Variants in GPC5 observed in about 807,000 individuals in gnomAD.
GPC5 encodes glypican-5.
GPC5 carries 47 observed loss-of-function variants against 53.9 expected under a neutral mutation model. That is an observed-to-expected ratio of 0.87 (90% confidence interval 0.69 to 1.11). The LOEUF is 1.11. Ranked by LOEUF, GPC5 falls within the 50% of genes most tolerant of loss-of-function variation. The pLI, the probability that GPC5 is intolerant of heterozygous loss-of-function variation, is 0.00. For missense variants in GPC5, 748 were observed against 713.1 expected, an observed-to-expected ratio of 1.05 and a Z score of -0.56; for synonymous variants, 286 against 263.3, an observed-to-expected ratio of 1.09 and a Z score of -0.84.
At chr13:92,518,248 CA>C (rs1441926407) in intron 7 of GPC5, among the ~76,000 whole-genome samples, 6 of 152,048 alleles carry the variant, frequency 3.9e-5, no homozygotes, top group Non-Finnish European at 7.4e-5. Flanking sequence ...CAAGGCAGGC[CA>C]ACATTCAAAT....
At chr13:92,349,786 C>T (rs543298607) in intron 7 of GPC5, among the ~76,000 whole-genome samples, 1 of 152,180 alleles carries the variant, frequency 6.6e-6, no homozygotes, top group East Asian at 1.9e-4. Flanking sequence ...GACCTGATGG[C>T]TTATGGTTGA....
intron 6 of GPC5, among the ~76,000 whole-genome samples, chr13:92,098,190 C>G (rs992798118): frequency 1.2e-4 from 18 of 152,164 alleles, no homozygotes; most frequent in African/African-American, 4.3e-4. Flanking sequence ...CTCCAGTGTC[C>G]CATTGGTCCC....
rs1468212881 is a variant in GPC5 at position 92,866,373 on chromosome 13, A to G, written c.1653A>G (p.Ala551=). Residue 551 remains alanine (A), a synonymous_variant, in exon 8 of 8, where the codon GCA becomes GCG. Transcript: ENST00000377067. The part of the protein sequence containing the change: ...STLDTTGAGC[A]VATESMTFTL... ...TAGACACAACAGGAGCAGGATGTGC[A>G]GTGGCGACTGAATCTATGACATTCA... The G allele has an allele frequency of 6.2e-7, 1 of 1,612,950 alleles. No homozygotes were observed. The highest frequency in any genetic ancestry group is 8.5e-7 in the Non-Finnish European group (1 of 1,179,306).
chr13:91,955,596 A>T (rs2040065813), intron 6 of GPC5, among the ~76,000 whole-genome samples: 1 of 152,150 alleles, frequency 6.6e-6, no homozygotes, highest in Non-Finnish European at 1.5e-5. Flanking sequence ...GGTAAGTGGG[A>T]GACCCCCAGT....
chr13:92,131,938 T>C (rs2041747451), intron 6 of GPC5, among the ~76,000 whole-genome samples: 2 of 151,954 alleles, frequency 1.3e-5, no homozygotes, highest in Non-Finnish European at 1.5e-5. Context: ...ACCCAACAGA[T>C]ATAACTGGGA....
intron 2 of GPC5, among the ~76,000 whole-genome samples, chr13:91,667,509 A>C (rs2035144693): frequency 6.6e-6 from 1 of 152,204 alleles, no homozygotes; most frequent in South Asian, 2.1e-4. Context: ...TTCGAGCTGC[A>C]GCTGTCAGAC....
At chr13:92,703,052 A>ATATTTATTTATTTATTTATT (rs138015246) in intron 7 of GPC5, among the ~76,000 whole-genome samples, 49 of 145,804 alleles carry the variant, frequency 3.4e-4, no homozygotes, top group African/African-American at 1.2e-3. Context: ...GCATATATAT[A>ATATTTATTTATTTATTTATT]TATTTATTTA....
chr13:92,580,008 C>G (rs1482872589), intron 7 of GPC5, among the ~76,000 whole-genome samples: 1 of 152,126 alleles, frequency 6.6e-6, no homozygotes, highest in Admixed American at 6.6e-5. Flanking sequence ...AATGACATGA[C>G]TTTATTATAG....
At chr13:92,279,825 G>C (rs7331818) in intron 7 of GPC5, among the ~76,000 whole-genome samples, 1 of 151,922 alleles carries the variant, frequency 6.6e-6, no homozygotes, top group South Asian at 2.1e-4. Flanking sequence ...CAAGTATTTT[G>C]TTGAGCATTT....
intron 5 of GPC5, among the ~76,000 whole-genome samples, chr13:91,856,089 G>A: frequency 6.6e-6 from 1 of 151,228 alleles, no homozygotes; most frequent in East Asian, 1.9e-4. Context: ...ATATATTCTT[G>A]AGATTCATTC....
At chr13:92,045,433 G>A (rs757642677) in intron 6 of GPC5, among the ~76,000 whole-genome samples, 2 of 152,100 alleles carry the variant, frequency 1.3e-5, no homozygotes, top group South Asian at 4.1e-4. Flanking sequence ...AAGGAGAAGG[G>A]AGTAACTTCA....
At chr13:92,494,238 C>T (rs1348763418) in intron 7 of GPC5, among the ~76,000 whole-genome samples, 3 of 152,078 alleles carry the variant, frequency 2.0e-5, no homozygotes, top group South Asian at 2.1e-4. Flanking sequence ...TACAGGCGCC[C>T]GCCACTACGC....
chr13:91,654,495 C>G (rs966574719), intron 2 of GPC5, among the ~76,000 whole-genome samples: 1 of 152,062 alleles, frequency 6.6e-6, no homozygotes, highest in African/African-American at 2.4e-5. Flanking sequence ...GAAACTCAGT[C>G]ACTGAACACA....
At chr13:91,683,598 A>G (rs2035556835) in intron 2 of GPC5, among the ~76,000 whole-genome samples, 1 of 151,788 alleles carries the variant, frequency 6.6e-6, no homozygotes, top group South Asian at 2.1e-4. Flanking sequence ...TCCCTTAGGA[A>G]CTCGCCATTT....
chr13:91,991,353 T>C (rs1340830057), intron 6 of GPC5, among the ~76,000 whole-genome samples: 1 of 152,230 alleles, frequency 6.6e-6, no homozygotes, highest in Non-Finnish European at 1.5e-5. Context: ...ATAATCTGTT[T>C]TATTTATCTT....
chr13:92,021,594 A>G (rs982192853), intron 6 of GPC5, among the ~76,000 whole-genome samples: 1 of 152,212 alleles, frequency 6.6e-6, no homozygotes, highest in Non-Finnish European at 1.5e-5. Context: ...GTCCACTTAA[A>G]CTTTTGTTAA....
At chr13:92,520,694 G>C (rs1881006450) in intron 7 of GPC5, among the ~76,000 whole-genome samples, 1 of 152,098 alleles carries the variant, frequency 6.6e-6, no homozygotes, top group Admixed American at 6.6e-5. Flanking sequence ...GGCACAAACT[G>C]GAAGCATTCC....
intron 7 of GPC5, among the ~76,000 whole-genome samples, chr13:92,251,970 T>G (rs1204948006): frequency 6.6e-6 from 1 of 152,152 alleles, no homozygotes; most frequent in Admixed American, 6.6e-5. Flanking sequence ...AATGTAATTA[T>G]CTCAAACTGA....
chr13:92,866,101 G>C lies in GPC5; in HGVS notation c.1562-181G>C, dbSNP rs550353011. Among the ~76,000 whole-genome samples, 21 of 152,244 alleles carry C rather than the reference G, an allele frequency of 1.4e-4. 1 individual carries two copies. In the South Asian group the frequency reaches 4.2e-3, roughly 30 times the overall value. On this transcript the variant is annotated intron_variant, in intron 7 of 7. Coordinates refer to ENST00000377067, the MANE Select transcript of GPC5 (RefSeq NM_004466.6). The stretch of plus-strand genomic sequence containing the variant: ...TTTGAGAATTTTCACACAAGAGCTT[G>C]AACTCTCCAATCTAAGTAGGACAGA...
Sources: allele counts gnomAD v4.1 joint callset (sites outside exome capture counted in the v4.1 genomes callset), GRCh38; gene constraint gnomAD v4.1.1; transcripts MANE v1.5; gene names NCBI Gene and HGNC (gene_info 2026-07-23, HGNC 2026-07-21).